The following KCNB2 variants were observed in gnomAD, a reference collection of about 807,000 sequenced individuals.
KCNB2 encodes the protein potassium voltage-gated channel subfamily B member 2, also known as delayed rectifier potassium channel protein.
KCNB2 carries 15 observed loss-of-function variants against 61.5 expected under a neutral mutation model. The ratio of observed to expected loss-of-function variants is 0.24; its 90% confidence interval spans 0.16 to 0.38. The LOEUF (loss-of-function observed/expected upper bound fraction) is 0.38. KCNB2 is among the 10% of genes least tolerant of loss of function. The probability of loss-of-function intolerance (pLI) is 1.00; values close to 1 mark genes in which losing one functional copy is unlikely to be tolerated. For missense variants in KCNB2, 828 were observed against 1,125.2 expected (o/e 0.74, Z 3.78); for synonymous variants, 457 against 446.0 (o/e 1.02, Z -0.31).
At chr8:72,775,236 G>A (rs1289716732) in intron 2 of KCNB2, among the ~76,000 whole-genome samples, 1 of 152,182 alleles carries the variant, frequency 6.6e-6, no homozygotes, top group Admixed American at 6.5e-5. Context: ...CCACCCAGGG[G>A]CTAGCCCAGC....
intron 2 of KCNB2, among the ~76,000 whole-genome samples, chr8:72,595,498 GT>G (rs200593828): frequency 0.012 from 1,852 of 151,782 alleles, 19 homozygotes; most frequent in Non-Finnish European, 0.018. Context: ...GCTAATTTTT[GT>G]ATTTTTAGTA....
intron 2 of KCNB2, among the ~76,000 whole-genome samples, chr8:72,898,463 T>C (rs1025485701): frequency 1.4e-4 from 22 of 151,904 alleles, no homozygotes; most frequent in Admixed American, 1.3e-3. Context: ...AAAAAAAACA[T>C]TGGAAAGCTG....
chr8:72,755,160 A>G (rs1050104180), intron 2 of KCNB2, among the ~76,000 whole-genome samples: 1 of 152,198 alleles, frequency 6.6e-6, no homozygotes, highest in Non-Finnish European at 1.5e-5. Flanking sequence ...TGACCAGTAC[A>G]TCTTAAAATT....
chr8:72,871,834 G>A (rs1284453279), intron 2 of KCNB2, among the ~76,000 whole-genome samples: 2 of 152,186 alleles, frequency 1.3e-5, no homozygotes, highest in Non-Finnish European at 2.9e-5. Context: ...AAGTGCTTGA[G>A]AAAACATACT....
chr8:72,767,945 A>G (rs373573857), intron 2 of KCNB2, among the ~76,000 whole-genome samples: 30 of 152,086 alleles, frequency 2.0e-4, no homozygotes, highest in African/African-American at 7.0e-4. Flanking sequence ...TGTGATTTCT[A>G]TTTGCATTTC....
At chr8:72,717,752 G>T in intron 2 of KCNB2, among the ~76,000 whole-genome samples, 1 of 152,036 alleles carries the variant, frequency 6.6e-6, no homozygotes, top group Admixed American at 6.5e-5. Context: ...CATAGGCATG[G>T]GCAAGGACTT....
chr8:72,686,391 A>G (rs113242701), intron 2 of KCNB2, among the ~76,000 whole-genome samples: 1,874 of 152,168 alleles, frequency 0.012, 20 homozygotes, highest in Non-Finnish European at 0.018. Flanking sequence ...TCTGTTGCCC[A>G]GGCTGGAGTG....
At chr8:72,738,270 A>T (rs1339787874) in intron 2 of KCNB2, among the ~76,000 whole-genome samples, 1 of 152,116 alleles carries the variant, frequency 6.6e-6, no homozygotes, top group African/African-American at 2.4e-5. Flanking sequence ...GCTACCTACA[A>T]TTTCTGAACT....
intron 2 of KCNB2, among the ~76,000 whole-genome samples, chr8:72,658,585 G>A (rs1806328957): frequency 6.6e-6 from 1 of 152,194 alleles, no homozygotes; most frequent in Non-Finnish European, 1.5e-5. Context: ...CATTGTAGAT[G>A]AAATGGCCTT....
At chr8:72,716,277 A>G (rs1807438785) in intron 2 of KCNB2, among the ~76,000 whole-genome samples, 1 of 152,142 alleles carries the variant, frequency 6.6e-6, no homozygotes, top group Admixed American at 6.5e-5. Flanking sequence ...ATTCCAATCA[A>G]TAGAAAAACA....
At chr8:72,740,814 T>C (rs895454289) in intron 2 of KCNB2, among the ~76,000 whole-genome samples, 1 of 152,210 alleles carries the variant, frequency 6.6e-6, no homozygotes, top group Admixed American at 6.5e-5. Flanking sequence ...TTGAAATTTA[T>C]GTGACTTAAC....
intron 2 of KCNB2, among the ~76,000 whole-genome samples, chr8:72,935,493 G>T (rs79721129): frequency 0.021 from 3,138 of 152,232 alleles, 100 homozygotes; most frequent in African/African-American, 0.071. Context: ...GTCGGTCTGA[G>T]TTTATATTTT....
chr8:72,689,360 T>A (rs1233940716), intron 2 of KCNB2, among the ~76,000 whole-genome samples: 2 of 152,218 alleles, frequency 1.3e-5, no homozygotes, highest in African/African-American at 2.4e-5. Context: ...AAACTGAGTC[T>A]TGAACTTTAA....
intron 2 of KCNB2, chr8:72,619,469 T>C (rs1805679698): frequency 1.1e-5 from 3 of 270,812 alleles, no homozygotes; most frequent in Non-Finnish European, 2.2e-5. Context: ...AATTCGTAGG[T>C]TCACCTCATA....
In KCNB2 at chr8:72,615,143, A is replaced by G. The variant is rs1274913474; in HGVS notation, c.579+46830A>G. Among the ~76,000 whole-genome samples, 8 of 152,240 alleles carry G rather than the reference A, an allele frequency of 5.3e-5. No individual in the cohort carries two copies. In the East Asian group the frequency reaches 1.3e-3, roughly 26 times the overall value. On this transcript the variant is annotated intron_variant, in intron 2 of 2. Transcript: ENST00000523207. ...AGGAGCATGGAGCTCCGTAGACCTG[A>G]AACAGCCCCAAGTCTGCCTTTTACT...
intron 2 of KCNB2, among the ~76,000 whole-genome samples, chr8:72,832,616 A>C (rs1218748945): frequency 6.6e-6 from 1 of 152,208 alleles, no homozygotes; most frequent in Non-Finnish European, 1.5e-5. Flanking sequence ...AGGGTCTGAG[A>C]CTTAACCCGC....
intron 2 of KCNB2, among the ~76,000 whole-genome samples, chr8:72,867,747 A>G (rs1325722798): frequency 5.9e-5 from 9 of 152,208 alleles, no homozygotes; most frequent in Non-Finnish European, 1.0e-4. Context: ...TAGACATGGT[A>G]TGACCTGAAC....
At position 72,837,436 on chromosome 8, in the gene KCNB2, C is replaced by T. The variant is rs113380027; in HGVS notation, c.580-98499C>T. Among the ~76,000 whole-genome samples the T allele has an allele frequency of 3.7e-3, 567 of 152,298 alleles. 9 individuals are homozygous for T. The highest frequency in any genetic ancestry group is 0.01 in the African/African-American group (436 of 41,562). ...TTACCAACAGCTTTTCACATTAAAA[C>T]GCTCTGATACTTTAAAAGTTCCTAA... On this transcript the variant is annotated intron_variant, in intron 2 of 2. Transcript: ENST00000523207.
chr8:72,789,780 A>G (rs1808907552), intron 2 of KCNB2, among the ~76,000 whole-genome samples: 1 of 152,094 alleles, frequency 6.6e-6, no homozygotes, highest in African/African-American at 2.4e-5. Context: ...GCAGTATATC[A>G]GAAAGTTGCA....
Sources: allele counts gnomAD v4.1 joint callset (sites outside exome capture counted in the v4.1 genomes callset), GRCh38; gene constraint gnomAD v4.1.1; transcripts MANE v1.5; gene names NCBI Gene and HGNC (gene_info 2026-07-23, HGNC 2026-07-21).